The following MICAL3 variants were observed in gnomAD, a reference collection of about 807,000 sequenced individuals.
MICAL3 encodes [F-actin]-monooxygenase MICAL3.
A neutral mutation model predicts 207.4 loss-of-function variants in MICAL3; 62 were observed. The observed-to-expected ratio is 0.30, with a 90% CI of 0.24 to 0.37. The LOEUF (loss-of-function observed/expected upper bound fraction) is 0.37. MICAL3 is among the 10% of genes least tolerant of loss of function. MICAL3 has a pLI of 1.00. For missense variants in MICAL3, 2,368 were observed against 2,635.6 expected (o/e 0.90, Z 2.22); for synonymous variants, 1,077 against 1,069.3 (o/e 1.01, Z -0.14).
At position 17,896,788 on chromosome 22, in the gene MICAL3, G is replaced by A; in HGVS notation, c.1142C>T (p.Ala381Val). ...FTCMYASENAALVREQNGHQL... is the reference protein window; with the variant it reads ...FTCMYASENAVLVREQNGHQL... ...GTGTCCGTTCTGCTCCCGCACCAAG[G>A]CGGCGTTCTCGGAGGCATACATACA... Residue 381 changes from alanine (A) to valine (V), a missense_variant, in exon 8 of 32, where the codon GCC (alanine) becomes GTC (valine). Coordinates refer to ENST00000441493, the MANE Select transcript of MICAL3 (RefSeq NM_015241.3). 1.2e-6 allele frequency: 2 copies of A among 1,614,008 alleles called. No homozygotes were observed. Among genetic ancestry groups the A allele is most frequent in the East Asian group, 2.2e-5 (1 of 44,888 alleles).
chr22:18,002,579 G>C (rs989246026), intron 1 of MICAL3, among the ~76,000 whole-genome samples: 8 of 152,124 alleles, frequency 5.3e-5, no homozygotes, highest in Non-Finnish European at 1.5e-5. Context: ...GTTGAACTGA[G>C]CCCAGATCGT....
At chr22:17,967,734 C>G (rs1260317187) in intron 1 of MICAL3, among the ~76,000 whole-genome samples, 1 of 151,266 alleles carries the variant, frequency 6.6e-6, no homozygotes, top group Non-Finnish European at 1.5e-5. Context: ...ACAGCGAAAC[C>G]CCTTCTCTAT....
intron 19 of MICAL3, chr22:17,864,485 T>C: frequency 7.0e-7 from 1 of 1,425,342 alleles, no homozygotes; most frequent in Non-Finnish European, 9.1e-7. Context: ...GCAAACTGCA[T>C]GAAGGCCGAG....
chr22:17,877,319 GGTTAGGGAGGTTAT>G (rs1928783420), intron 16 of MICAL3, among the ~76,000 whole-genome samples: 1 of 102,442 alleles, frequency 9.8e-6, no homozygotes, highest in Non-Finnish European at 1.9e-5. Context: ...AGGTTAGGGA[GGTTAGGGAGGTTAT>G]GGAGGTTAGG....
At position 17,896,239 on chromosome 22, in the gene MICAL3, C is replaced by A; in HGVS notation, c.1322+7G>T. The A allele has an allele frequency of 6.5e-7, 1 of 1,531,124 alleles. No individual in the cohort carries two copies. Among genetic ancestry groups the A allele is most frequent in the Non-Finnish European group, 8.9e-7 (1 of 1,127,682 alleles). The allele number at this position is 1,531,124 out of a possible 1,614,324, so 94.8% of individuals were successfully genotyped here. A position where few individuals can be genotyped will look rare whatever the true frequency, so the allele number is the denominator to read the frequency against. ...CATGAAAGGAACCCCGGGTTACTTC[C>A]CATTACCTCTCTGCCAGCACTTCCA... On this transcript the variant is annotated splice_region_variant and intron_variant, in intron 9 of 31. Coordinates refer to ENST00000441493, the MANE Select transcript of MICAL3 (RefSeq NM_015241.3).
intron 22 of MICAL3, chr22:17,826,486 G>A (rs1347447105): frequency 9.1e-6 from 9 of 985,950 alleles, no homozygotes; most frequent in East Asian, 1.1e-4. Flanking sequence ...GGCCTGCACC[G>A]CCGCGTGGCG....
At chr22:17,802,416 C>T (rs2061950045) in intron 29 of MICAL3, among the ~76,000 whole-genome samples, 1 of 152,148 alleles carries the variant, frequency 6.6e-6, no homozygotes, top group Non-Finnish European at 1.5e-5. Flanking sequence ...TAGGAGAAGG[C>T]AAGAGGCATT....
chr22:17,913,366 A>G (rs1191139668), intron 1 of MICAL3, among the ~76,000 whole-genome samples: 1 of 152,074 alleles, frequency 6.6e-6, no homozygotes, highest in East Asian at 1.9e-4. Context: ...GCAGCTCTGT[A>G]CTTGAAGGAC....
chr22:18,012,808 C>T (rs1007707524), intron 1 of MICAL3, among the ~76,000 whole-genome samples: 1 of 152,206 alleles, frequency 6.6e-6, no homozygotes, highest in East Asian at 1.9e-4. Flanking sequence ...CCAGCAAAAC[C>T]AAGCATTTAT....
chr22:17,852,958 C>G (rs567769317), intron 19 of MICAL3, among the ~76,000 whole-genome samples: 62 of 151,992 alleles, frequency 4.1e-4, no homozygotes, highest in African/African-American at 1.4e-3. Context: ...GACTGTAATC[C>G]CAGCTACTCA....
At chr22:17,835,791 T>C (rs1379039231) in intron 20 of MICAL3, among the ~76,000 whole-genome samples, 1 of 152,158 alleles carries the variant, frequency 6.6e-6, no homozygotes, top group African/African-American at 2.4e-5. Context: ...TCCTGTGAGA[T>C]TGCTTGATTG....
Position 17,948,868 on chromosome 22 carries a change from G to A in MICAL3, c.-74-41982C>T, listed in dbSNP as rs561784304. Among the ~76,000 whole-genome samples the A allele has an allele frequency of 5.4e-4, 77 of 143,742 alleles. No homozygotes were observed. In the South Asian group the frequency reaches 8.5e-3, roughly 16 times the overall value. 94.3% of individuals were successfully genotyped at this position (143,742 alleles called of 152,430 possible). A position where few individuals can be genotyped will look rare whatever the true frequency, so the allele number is the denominator to read the frequency against. ...GTGGCAGTTGTAGTGAGCCAAGATC[G>A]TGCCACTGCACTCCAGCCTGGGTGA... is the stretch of plus-strand genomic sequence containing the variant. On this transcript the variant is annotated intron_variant, in intron 1 of 31. Transcript: ENST00000441493.
intron 1 of MICAL3, among the ~76,000 whole-genome samples, chr22:17,915,667 C>G (rs1932449189): frequency 6.6e-6 from 1 of 152,144 alleles, no homozygotes. Context: ...GCAGTCAAGG[C>G]TCAGCACCAT....
chr22:17,947,947 C>G (rs1934151698), intron 1 of MICAL3, among the ~76,000 whole-genome samples: 1 of 151,686 alleles, frequency 6.6e-6, no homozygotes. Context: ...ACCAGACAGA[C>G]ATTATGTGTT....
intron 16 of MICAL3, among the ~76,000 whole-genome samples, chr22:17,874,487 C>A (rs1928061233): frequency 6.6e-6 from 1 of 152,218 alleles, no homozygotes; most frequent in Admixed American, 6.5e-5. Context: ...ACCCTTTTCT[C>A]CTGAACTAAA....
chr22:17,927,417 G>C (rs749016775), intron 1 of MICAL3, among the ~76,000 whole-genome samples: 1 of 152,144 alleles, frequency 6.6e-6, no homozygotes, highest in Non-Finnish European at 1.5e-5. Context: ...CCCTGCTCAA[G>C]TGTGCAATTC....
chr22:17,885,142 G>T (rs2146216077), intron 16 of MICAL3, among the ~76,000 whole-genome samples: 1 of 152,318 alleles, frequency 6.6e-6, no homozygotes, highest in South Asian at 2.1e-4. Flanking sequence ...CAAGCCACAA[G>T]CTGCTGCCAT....
In MICAL3 at chr22:17,864,744, C is replaced by T. The variant is rs942933852; in HGVS notation, c.2605+155G>A. The T allele has an allele frequency of 3.7e-6, 6 of 1,613,726 alleles. No homozygotes were observed. In the Admixed American group the frequency reaches 6.7e-5, roughly 18 times the overall value. On this transcript the variant is annotated intron_variant, in intron 19 of 31. Transcript: ENST00000441493. ...AGAGAAAGGGGACTCCGAACGCAAGCAGCTGGCACATGAAAAAGGAGTCCA... is the reference window on the plus strand; with the variant it reads ...AGAGAAAGGGGACTCCGAACGCAAGTAGCTGGCACATGAAAAAGGAGTCCA...
intron 21 of MICAL3, among the ~76,000 whole-genome samples, 157 bp downstream of exon 21, chr22:17,831,697 C>T (rs1227380173): frequency 6.6e-6 from 1 of 152,138 alleles, no homozygotes; most frequent in East Asian, 1.9e-4. Flanking sequence ...GGTGTCCTCC[C>T]CTCTGCCCCC....
Sources: allele counts gnomAD v4.1 joint callset (sites outside exome capture counted in the v4.1 genomes callset), GRCh38; gene constraint gnomAD v4.1.1; transcripts MANE v1.5; gene names NCBI Gene and HGNC (gene_info 2026-07-23, HGNC 2026-07-21).